Variants in PARD3B observed in about 807,000 individuals in gnomAD.
The protein encoded by PARD3B is par-3 family cell polarity regulator beta.
PARD3B carries 103 observed loss-of-function variants against 130.2 expected under a neutral mutation model. The ratio of observed to expected loss-of-function variants is 0.79; its 90% CI spans 0.67 to 0.93. The LOEUF is 0.93. Ranked by LOEUF, PARD3B falls within the 40% of genes least tolerant of loss-of-function variation. PARD3B has a pLI of 0.00. For missense variants in PARD3B, 1,609 were observed against 1,499.2 expected (o/e 1.07, Z -1.21); for synonymous variants, 583 against 553.2 (o/e 1.05, Z -0.76).
At chr2:204,644,455 A>G (rs908563557) in intron 1 of PARD3B, among the ~76,000 whole-genome samples, 3 of 152,148 alleles carry the variant, frequency 2.0e-5, no homozygotes, top group African/African-American at 7.2e-5. Flanking sequence ...TTTATGTACC[A>G]ATATAGACTC....
intron 2 of PARD3B, among the ~76,000 whole-genome samples, chr2:204,758,795 G>A (rs1462902165): frequency 6.6e-5 from 10 of 152,108 alleles, no homozygotes; most frequent in Non-Finnish European, 1.2e-4. Flanking sequence ...TATGATTCTT[G>A]TTTGGCTCCG....
intron 19 of PARD3B, among the ~76,000 whole-genome samples, chr2:205,411,905 T>C (rs1279164628): frequency 2.6e-5 from 4 of 152,078 alleles, no homozygotes; most frequent in Non-Finnish European, 4.4e-5. Flanking sequence ...GGGACACAAA[T>C]GGTGTGGGTG....
intron 2 of PARD3B, among the ~76,000 whole-genome samples, chr2:204,723,761 A>AT (rs2039097649): frequency 6.6e-6 from 1 of 152,098 alleles, no homozygotes; most frequent in African/African-American, 2.4e-5. Flanking sequence ...GTTCATAGTA[A>AT]TTATAGGAGA....
intron 20 of PARD3B, among the ~76,000 whole-genome samples, chr2:205,474,279 A>G (rs1277716720): frequency 6.6e-6 from 1 of 152,112 alleles, no homozygotes; most frequent in Non-Finnish European, 1.5e-5. Flanking sequence ...TAATTATTCC[A>G]CGATTTAATT....
At position 205,550,951 on chromosome 2, in the gene PARD3B, A is replaced by ATATATATATATATATGTG. The variant is rs1553542788; in HGVS notation, c.3181-2372_3181-2371insATATATATATATATGTGT. 1.3e-5 allele frequency among the ~76,000 whole-genome samples: 1 copy of ATATATATATATATATGTG among 77,578 alleles called. No individual in the cohort carries two copies. The highest frequency in any genetic ancestry group is 2.9e-5 in the Non-Finnish European group (1 of 34,748). The allele number at this position is 77,578 out of a possible 152,430, so 50.9% of individuals were successfully genotyped here. On this transcript the variant is annotated intron_variant, in intron 21 of 22. Transcript: ENST00000406610. This position sits in a 1 kb window ranked among gnomAD's most constrained non-coding sequence, Gnocchi z 4.5. ...TGTGTGTGTGTGTGTGTATATATAT[A>ATATATATATATATATGTG]TGTGTATATATATATATATATATAT... is the stretch of plus-strand genomic sequence containing the variant.
intron 2 of PARD3B, among the ~76,000 whole-genome samples, chr2:204,919,669 A>C (rs1301100209): frequency 6.6e-6 from 1 of 152,156 alleles, no homozygotes; most frequent in Non-Finnish European, 1.5e-5. Flanking sequence ...GGATTTTTCC[A>C]GTTTTGATTT....
chr2:205,471,288 G>A (rs1055527876), intron 20 of PARD3B, among the ~76,000 whole-genome samples: 1 of 147,990 alleles, frequency 6.8e-6, no homozygotes, highest in African/African-American at 2.5e-5. Context: ...ATATCTAGAT[G>A]TCTTTTCTTA....
intron 16 of PARD3B, among the ~76,000 whole-genome samples, chr2:205,264,648 T>A (rs1053892442): frequency 6.0e-5 from 9 of 151,178 alleles, no homozygotes; most frequent in Non-Finnish European, 1.3e-4. Flanking sequence ...TAAAATGCAA[T>A]TATATGCTTT....
At chr2:205,099,881 G>A (rs1317849978) in intron 4 of PARD3B, among the ~76,000 whole-genome samples, 1 of 152,094 alleles carries the variant, frequency 6.6e-6, no homozygotes, top group Non-Finnish European at 1.5e-5. Context: ...AAGTGTTTTT[G>A]ATATTATCTT....
Position 205,550,978 on chromosome 2 carries a change from C to CATATATAT in PARD3B, c.3181-2345_3181-2344insTATATATA, listed in dbSNP as rs1559207188. Among the ~76,000 whole-genome samples the CATATATAT allele has an allele frequency of 1.1e-5, 1 of 93,094 alleles. No individual in the cohort carries two copies. Among genetic ancestry groups the CATATATAT allele is most frequent in the African/African-American group, 4.9e-5 (1 of 20,320 alleles). The allele number at this position is 93,094 out of a possible 152,430, so 61.1% of individuals were successfully genotyped here. On this transcript the variant is annotated intron_variant, in intron 21 of 22. Transcript: ENST00000406610. This position sits in a 1 kb window ranked among gnomAD's most constrained non-coding sequence, Gnocchi z 4.5. ...GTGTATATATATATATATATATATA[C>CATATATAT]ACACACACACACACACACACACACA...
At chr2:204,710,895 C>T (rs1017733951) in intron 2 of PARD3B, among the ~76,000 whole-genome samples, 21 of 152,204 alleles carry the variant, frequency 1.4e-4, no homozygotes, top group African/African-American at 4.3e-4. Context: ...CTCTGAACTG[C>T]TGGTCTAAAA....
rs3077792 is a variant in PARD3B at position 205,460,393 on chromosome 2, GTGATGATGATGATGATGA to G, written c.3044+19747_3044+19764del. ...ATTATCAAGACTAAGGATGTTGATAGTGATGATGATGATGATGATGATGATGATGATGATGATGATGAT... is the reference window on the plus strand; with the variant it reads ...ATTATCAAGACTAAGGATGTTGATAGTGATGATGATGATGATGATGATGAT... On this transcript the variant is annotated intron_variant, in intron 20 of 22. Coordinates refer to ENST00000406610, the MANE Select transcript of PARD3B (RefSeq NM_001302769.2). This position sits in a 1 kb window ranked among gnomAD's most constrained non-coding sequence, Gnocchi z 4.9. 6.8e-5 allele frequency among the ~76,000 whole-genome samples: 10 copies of G among 147,888 alleles called. No individual in the cohort carries two copies. Among genetic ancestry groups the G allele is most frequent in the African/African-American group, 7.4e-5 (3 of 40,280 alleles).
intron 1 of PARD3B, among the ~76,000 whole-genome samples, chr2:204,575,596 G>C (rs1372071782): frequency 6.6e-6 from 1 of 152,134 alleles, no homozygotes; most frequent in Non-Finnish European, 1.5e-5. Context: ...TGGATGATGT[G>C]GTACTTGCGT....
At chr2:205,308,949 T>TA (rs1215807537) in intron 18 of PARD3B, among the ~76,000 whole-genome samples, 1 of 152,228 alleles carries the variant, frequency 6.6e-6, no homozygotes, top group Admixed American at 6.5e-5. Context: ...GGTGACGGTC[T>TA]AACAGCAGAA....
rs1017938604 is a variant in PARD3B at position 205,105,545 on chromosome 2, C to T, written c.593+1031C>T. On this transcript the variant is annotated intron_variant, in intron 5 of 22. Transcript: ENST00000406610. This position sits in a 1 kb window ranked among gnomAD's most constrained non-coding sequence, Gnocchi z 4.0. The stretch of plus-strand genomic sequence containing the variant: ...ATAGGTCATCATCCTTTGTCATGTG[C>T]TTTACTGTATGGATTCTCCTCAAAC... 6.6e-6 allele frequency among the ~76,000 whole-genome samples: 1 copy of T among 152,128 alleles called. No homozygotes were observed. The highest frequency in any genetic ancestry group is 2.4e-5 in the African/African-American group (1 of 41,438).
At chr2:204,998,339 T>TATACATATATATATATATATATATATAC (rs1559341241) in intron 3 of PARD3B, among the ~76,000 whole-genome samples, 1 of 64,988 alleles carries the variant, frequency 1.5e-5, no homozygotes. Context: ...TATATATATA[T>TATACATATATATATATATATATATATAC]ATATATATAT....
chr2:205,218,553 C>T lies in PARD3B; in HGVS notation c.2140+25233C>T, dbSNP rs892784105. On this transcript the variant is annotated intron_variant, in intron 15 of 22. Coordinates refer to ENST00000406610, the MANE Select transcript of PARD3B (RefSeq NM_001302769.2). ...CAGAGAGATTGCTAAAAAAATCAGT[C>T]AATCTATAATTAACTCATAGGCAAA... Among the ~76,000 whole-genome samples, 3 of 151,936 alleles carry T rather than the reference C, an allele frequency of 2.0e-5. No homozygotes were observed. In the South Asian group the frequency reaches 6.2e-4, roughly 32 times the overall value.
intron 21 of PARD3B, among the ~76,000 whole-genome samples, chr2:205,514,934 C>A (rs2050734230): frequency 6.6e-6 from 1 of 151,184 alleles, no homozygotes; most frequent in South Asian, 2.1e-4. Context: ...TATTTCATCA[C>A]CCAGGAGTTA....
chr2:205,059,471 G>T (rs995987765), intron 4 of PARD3B, among the ~76,000 whole-genome samples: 1 of 151,976 alleles, frequency 6.6e-6, no homozygotes, highest in African/African-American at 2.4e-5. Context: ...GAATGTACAG[G>T]TACCCTTCAA....
Sources: allele counts gnomAD v4.1 joint callset (sites outside exome capture counted in the v4.1 genomes callset), GRCh38; gene constraint gnomAD v4.1.1; non-coding constraint Gnocchi (gnomAD v3.1); transcripts MANE v1.5; gene names NCBI Gene and HGNC (gene_info 2026-07-23, HGNC 2026-07-21).